CD99: variants seen among roughly 807,000 people sequenced by gnomAD.
The protein encoded by CD99 is CD99 antigen.
In CD99, 19 loss-of-function variants were observed where a neutral mutation model predicts 28.4. The observed-to-expected ratio is 0.67, with a 90% CI of 0.47 to 0.98. The LOEUF (loss-of-function observed/expected upper bound fraction) is 0.98, where lower values mean the gene tolerates loss of function less well. Among genes scored for constraint, CD99 ranks in the 50% least tolerant of loss-of-function variants. CD99 has a pLI of 0.00. For missense variants in CD99, 283 were observed against 248.8 expected, an observed-to-expected ratio of 1.14 and a Z score of -0.92; for synonymous variants, 103 against 92.1, an observed-to-expected ratio of 1.12 and a Z score of -0.67.
chrX:2,727,888 A>G (rs1050072849), intron 8 of CD99, among the ~76,000 whole-genome samples: 2 of 152,298 alleles, frequency 1.3e-5, no homozygotes, highest in African/African-American at 4.8e-5. Flanking sequence ...CACTGATGTC[A>G]TTCACTCAAA....
chrX:2,707,329 C>CAAAAGAAAAGAAAAGAAAAG lies in CD99; in HGVS notation c.68-7088_68-7069dup, dbSNP rs58329163. 2.7e-5 allele frequency among the ~76,000 whole-genome samples: 4 copies of CAAAAGAAAAGAAAAGAAAAG among 149,302 alleles called. No homozygotes were observed. The East Asian group carries it at 6.0e-4, about 23-fold the overall frequency. On this transcript the variant is annotated intron_variant, in intron 1 of 9. Coordinates refer to ENST00000381192, the MANE Select transcript of CD99 (RefSeq NM_002414.5). The stretch of plus-strand genomic sequence containing the variant: ...TGGGCAACAGAGCAAAACTCTGCCT[C>CAAAAGAAAAGAAAAGAAAAG]AAAAGAAAAGAAAAGAAAAGAAAAA...
At chrX:2,706,914 G>A (rs776263260) in intron 1 of CD99, among the ~76,000 whole-genome samples, 40 of 151,890 alleles carry the variant, frequency 2.6e-4, no homozygotes, top group African/African-American at 8.4e-4. Flanking sequence ...TCCACCTCCC[G>A]GGTTCAAGCG....
chrX:2,738,660 G>A (rs2050063408), intron 9 of CD99, among the ~76,000 whole-genome samples: 1 of 151,884 alleles, frequency 6.6e-6, no homozygotes, highest in South Asian at 2.1e-4. Flanking sequence ...GGGAGGTAGA[G>A]GTTGCAGTGA....
Position 2,717,623 on chromosome X carries a change from C to T in CD99, c.119C>T (p.Pro40Leu), listed in dbSNP as rs755388046. The T allele has an allele frequency of 1.2e-4, 189 of 1,613,534 alleles. 3 individuals are homozygous for T. Among genetic ancestry groups the T allele is most frequent in the South Asian group, 1.0e-3 (91 of 91,054 alleles). Residue 40 changes from proline (P) to leucine (L), a missense_variant, in exon 3 of 10, where the codon CCC (proline) becomes CTC (leucine). Transcript: ENST00000381192. ...DALPDNENKK[P>L]TAIPKKPSAG... The stretch of plus-strand genomic sequence containing the variant: ...TCTTTAGACAATGAAAACAAGAAAC[C>T]CACTGCAATCCCCAAGAAACCCAGT...
chrX:2,728,297 C>T (rs1349540882), intron 8 of CD99, among the ~76,000 whole-genome samples: 3 of 150,816 alleles, frequency 2.0e-5, no homozygotes, highest in Non-Finnish European at 1.5e-5. Context: ...CTCCACCTCC[C>T]GGGTTCTCCT....
chrX:2,729,215 C>G (rs1449771205), intron 8 of CD99, among the ~76,000 whole-genome samples: 1 of 152,136 alleles, frequency 6.6e-6, no homozygotes, highest in Non-Finnish European at 1.5e-5. Flanking sequence ...CTCTGAAAAT[C>G]TTTAGGTCAA....
intron 8 of CD99, among the ~76,000 whole-genome samples, chrX:2,731,562 C>G (rs948576497): frequency 1.3e-5 from 2 of 152,118 alleles, no homozygotes; most frequent in African/African-American, 4.8e-5. Context: ...GCACTCCAGC[C>G]TGGGGACAAG....
intron 8 of CD99, chrX:2,727,271 C>T (rs1176154429): frequency 1.3e-6 from 1 of 778,150 alleles, no homozygotes; most frequent in Non-Finnish European, 2.4e-6. Flanking sequence ...GGAGGACGTA[C>T]TCACCATTGC....
At position 2,705,069 on chromosome X, in the gene CD99, A is replaced by G. The variant is rs143213468; in HGVS notation, c.68-9353A>G. 6.9e-3 allele frequency among the ~76,000 whole-genome samples: 1,045 copies of G among 152,336 alleles called. 6 individuals are homozygous for G. The highest frequency in any genetic ancestry group is 0.024 in the African/African-American group (1,001 of 41,570). Reference sequence around the variant, plus strand: ...CAGAGAGACGAGTTTAACTATTGCTACAGACATGAAGCCCTTCCCTTTCCA... The same window carrying G: ...CAGAGAGACGAGTTTAACTATTGCTGCAGACATGAAGCCCTTCCCTTTCCA... On this transcript the variant is annotated intron_variant, in intron 1 of 9. Coordinates refer to ENST00000381192, the MANE Select transcript of CD99 (RefSeq NM_002414.5).
Position 2,723,380 on chromosome X carries a change from T to G in CD99, c.361+16T>G. On this transcript the variant is annotated intron_variant, in intron 7 of 9. Transcript: ENST00000381192. ...GGGGAAGAGGGTAGGTGCACCTGGC[T>G]TCTGTCTTCTTGTCTCTCCCACGTG... is the stretch of plus-strand genomic sequence containing the variant. The G allele has an allele frequency of 6.2e-7, 1 of 1,613,756 alleles. No homozygotes were observed. The highest frequency in any genetic ancestry group is 8.5e-7 in the Non-Finnish European group (1 of 1,179,686).
intron 1 of CD99, among the ~76,000 whole-genome samples, chrX:2,696,673 C>G (rs1173873550): frequency 6.6e-6 from 1 of 152,056 alleles, no homozygotes; most frequent in Non-Finnish European, 1.5e-5. Flanking sequence ...AAAGTGTATT[C>G]TTTTTTGATT....
chrX:2,696,489 C>T (rs2047581444), intron 1 of CD99, among the ~76,000 whole-genome samples: 2 of 152,246 alleles, frequency 1.3e-5, no homozygotes, highest in East Asian at 3.9e-4. Flanking sequence ...CAACCTCTGC[C>T]TCCCAGGTTC....
intron 1 of CD99, among the ~76,000 whole-genome samples, chrX:2,713,069 C>T (rs2048503090): frequency 6.6e-6 from 1 of 151,432 alleles, no homozygotes; most frequent in Admixed American, 6.6e-5. Flanking sequence ...CACACATAAA[C>T]ATATTGACAC....
At chrX:2,705,369 C>T (rs2048066669) in intron 1 of CD99, among the ~76,000 whole-genome samples, 1 of 152,146 alleles carries the variant, frequency 6.6e-6, no homozygotes, top group African/African-American at 2.4e-5. Flanking sequence ...CTGGTGTATT[C>T]CTGAAACTAT....
chrX:2,737,597 C>T lies in CD99; in HGVS notation c.476-603C>T, dbSNP rs182042619. Among the ~76,000 whole-genome samples the T allele has an allele frequency of 2.0e-3, 304 of 150,112 alleles. 1 individual carries two copies. The highest frequency in any genetic ancestry group is 7.2e-3 in the African/African-American group (292 of 40,838). On this transcript the variant is annotated intron_variant, in intron 8 of 9. Coordinates refer to ENST00000381192, the MANE Select transcript of CD99 (RefSeq NM_002414.5). ...GCAACCTCCACCTCCTGGGTTCAAA[C>T]GATCCTCCTGCCTCAGCCTCCCGAG...
intron 1 of CD99, among the ~76,000 whole-genome samples, chrX:2,697,365 G>A (rs1233774579): frequency 6.6e-6 from 1 of 152,190 alleles, no homozygotes; most frequent in African/African-American, 2.4e-5. Flanking sequence ...GCTCCAAAGC[G>A]CTGTTTAAAA....
At chrX:2,693,150 G>GTGGTTTT (rs770862071) in intron 1 of CD99, among the ~76,000 whole-genome samples, 7 of 147,024 alleles carry the variant, frequency 4.8e-5, no homozygotes, top group African/African-American at 1.7e-4. Context: ...GGTGGTGGTG[G>GTGGTTTT]TTTTTTTTTT....
At chrX:2,715,146 C>A in intron 2 of CD99, 1 of 152,486 alleles carries the variant, frequency 6.6e-6, no homozygotes, top group East Asian at 1.9e-4. Flanking sequence ...GTCTCCCGCT[C>A]CTCACCCAGA....
intron 2 of CD99, chrX:2,715,374 GC>G (rs1569437831): frequency 6.6e-6 from 1 of 152,308 alleles, no homozygotes; most frequent in Admixed American, 6.5e-5. Flanking sequence ...CCCTCTAGGG[GC>G]TCTAGGGGAG....
Sources: gnomAD v4.1 joint callset for allele counts (sites outside exome capture counted in the v4.1 genomes callset) on GRCh38, gnomAD v4.1.1 for gene constraint, MANE v1.5 for transcripts, NCBI Gene and HGNC (gene_info 2026-07-23, HGNC 2026-07-21) for gene names.